DENND10: variants seen among roughly 807,000 people sequenced by gnomAD.
The protein encoded by DENND10 is DENN domain-containing protein 10.
A neutral mutation model predicts 43.6 loss-of-function variants in DENND10; 24 were observed. That is an observed-to-expected ratio of 0.55 (90% CI 0.40 to 0.77). The LOEUF (loss-of-function observed/expected upper bound fraction) is 0.77, where lower values mean the gene tolerates loss of function less well. Ranked by LOEUF, DENND10 falls within the 30% of genes least tolerant of loss-of-function variation. The probability of loss-of-function intolerance (pLI) is 0.00; values close to 1 mark genes in which losing one functional copy is unlikely to be tolerated. For missense variants in DENND10, 303 were observed against 429.9 expected, an observed-to-expected ratio of 0.70 and a Z score of 2.61; for synonymous variants, 125 against 157.6, an observed-to-expected ratio of 0.79 and a Z score of 1.55.
At position 119,121,445 on chromosome 10, in the gene DENND10, CTTT is replaced by C. The variant is rs773938225; in HGVS notation, c.593+1013_593+1015del. 8.5e-3 allele frequency among the ~76,000 whole-genome samples: 962 copies of C among 112,808 alleles called. 13 individuals carry two copies. Among genetic ancestry groups the C allele is most frequent in the African/African-American group, 0.032 (905 of 28,682 alleles). 74.0% of individuals were successfully genotyped at this position (112,808 alleles called of 152,430 possible). A position where few individuals can be genotyped will look rare whatever the true frequency, so the allele number is the denominator to read the frequency against. ...AACCACCACACCCAGCCATTAGGTC[CTTT>C]TTTTTTTTTTTTTTTTTTTGGAGGC... On this transcript the variant is annotated intron_variant, in intron 5 of 8. Coordinates refer to ENST00000361432, the MANE Select transcript of DENND10 (RefSeq NM_207009.4).
chr10:119,112,720 C>G (rs951663994), intron 3 of DENND10, among the ~76,000 whole-genome samples: 1 of 151,954 alleles, frequency 6.6e-6, no homozygotes, highest in Non-Finnish European at 1.5e-5. Flanking sequence ...GTTTCAAACT[C>G]CTGAGCTCAA....
chr10:119,128,348 G>A (rs1001309003), intron 6 of DENND10, among the ~76,000 whole-genome samples: 11 of 152,010 alleles, frequency 7.2e-5, no homozygotes, highest in African/African-American at 2.4e-4. Context: ...AGTGGCTCAC[G>A]CCTGTAATCC....
intron 2 of DENND10, among the ~76,000 whole-genome samples, chr10:119,109,297 A>G (rs971508579): frequency 1.3e-5 from 2 of 151,664 alleles, no homozygotes; most frequent in Admixed American, 6.6e-5. Context: ...GTGTTGTTTG[A>G]TATGAACAGT....
intron 6 of DENND10, among the ~76,000 whole-genome samples, chr10:119,126,698 C>G (rs1845848514): frequency 6.6e-6 from 1 of 151,994 alleles, no homozygotes; most frequent in Non-Finnish European, 1.5e-5. Flanking sequence ...CTCCTGACCT[C>G]AGATGATCCA....
In DENND10 at chr10:119,128,822, A is replaced by G. The variant is rs1342364342; in HGVS notation, c.695-693A>G. On this transcript the variant is annotated intron_variant, in intron 6 of 8. Coordinates refer to ENST00000361432, the MANE Select transcript of DENND10 (RefSeq NM_207009.4). ...GGGAAGGTGCCGTCCACTTTTAAACAACCAGATTTTGTGAGAACTCAATCA... is the reference window on the plus strand; with the variant it reads ...GGGAAGGTGCCGTCCACTTTTAAACGACCAGATTTTGTGAGAACTCAATCA... Among the ~76,000 whole-genome samples, 5 of 152,054 alleles carry G rather than the reference A, an allele frequency of 3.3e-5. No homozygotes were observed. The East Asian group carries it at 9.6e-4, about 29-fold the overall frequency.
chr10:119,104,595 G>T (rs1450201359), intron 1 of DENND10, among the ~76,000 whole-genome samples: 3 of 149,624 alleles, frequency 2.0e-5, no homozygotes, highest in Non-Finnish European at 4.5e-5. Flanking sequence ...TGGCGGCGCG[G>T]CGCGGCGCGG....
Position 119,108,065 on chromosome 10 carries a change from T to C in DENND10, c.153T>C (p.Asp51=), listed in dbSNP as rs377683050. Residue 51 remains aspartate (D), a synonymous_variant, in exon 2 of 9, where the codon GAT becomes GAC. Coordinates refer to ENST00000361432, the MANE Select transcript of DENND10 (RefSeq NM_207009.4). ...TGCTGAGAAAATGCTGCCTTACAGA[T>C]GAAAACAAACTTCTCCATCCCTTTG... ...NLLLRKCCLT[D]ENKLLHPFVF... 5.1e-5 allele frequency: 83 copies of C among 1,613,570 alleles called. No individual in the cohort carries two copies. Among genetic ancestry groups the C allele is most frequent in the Non-Finnish European group, 6.9e-5 (81 of 1,179,654 alleles).
chr10:119,124,589 A>G (rs1029239017), intron 6 of DENND10, among the ~76,000 whole-genome samples: 27 of 151,936 alleles, frequency 1.8e-4, no homozygotes, highest in African/African-American at 6.0e-4. Context: ...TTCCTGTGTT[A>G]CTCAGGCTGG....
intron 2 of DENND10, 46 bp from the exon 3 acceptor site, chr10:119,111,803 A>G (rs1331693794): frequency 7.2e-7 from 1 of 1,390,952 alleles, no homozygotes; most frequent in Non-Finnish European, 1.0e-6. Context: ...AAATTCTGCT[A>G]AAGTGTATTT....
intron 2 of DENND10, among the ~76,000 whole-genome samples, chr10:119,111,493 A>G (rs2133465436): frequency 6.6e-6 from 1 of 151,994 alleles, no homozygotes; most frequent in South Asian, 2.1e-4. Context: ...TGGAGGAGAA[A>G]AGATAAGCAG....
rs777542866 is a variant in DENND10 at position 119,123,535 on chromosome 10, CGCCGATGAGCTGGAA to C, written c.664_678del (p.Asp222_Ala226del). 1.8e-5 allele frequency: 29 copies of C among 1,613,402 alleles called. No individual in the cohort carries two copies. The highest frequency in any genetic ancestry group is 2.3e-5 in the Non-Finnish European group (27 of 1,179,820). ...TCCTTCACTCTTACGTGCACCTCAA[CGCCGATGAGCTGGAA>C]GCCCTGCAGATGTGCACAGGTAGAC... is the stretch of plus-strand genomic sequence containing the variant. On this transcript the variant is annotated inframe_deletion, in exon 6 of 9. Transcript: ENST00000361432.
intron 3 of DENND10, among the ~76,000 whole-genome samples, chr10:119,113,468 A>G (rs531046876): frequency 1.3e-5 from 2 of 150,920 alleles, no homozygotes; most frequent in South Asian, 2.1e-4. Flanking sequence ...AAGCGCTGAG[A>G]TTACAAACGT....
intron 1 of DENND10, 119 bp from the exon 2 acceptor site, chr10:119,107,849 T>G: frequency 4.2e-5 from 37 of 882,058 alleles, no homozygotes; most frequent in Non-Finnish European, 6.8e-5. Flanking sequence ...TCAGGTATTG[T>G]GAGTTGCTTT....
At chr10:119,121,400 T>C (rs774158256) in intron 5 of DENND10, among the ~76,000 whole-genome samples, 7 of 151,320 alleles carry the variant, frequency 4.6e-5, no homozygotes, top group Admixed American at 1.3e-4. Flanking sequence ...CCTGCCTCCG[T>C]TGAGATGATT....
intron 3 of DENND10, among the ~76,000 whole-genome samples, chr10:119,115,709 G>C (rs1407837896): frequency 1.3e-5 from 2 of 149,948 alleles, no homozygotes; most frequent in Non-Finnish European, 1.5e-5. Context: ...TTGGCAAGCA[G>C]TTAAAACACT....
chr10:119,134,714 T>C (rs1846232767), intron 8 of DENND10: 1 of 152,124 alleles, frequency 6.6e-6, no homozygotes, highest in Non-Finnish European at 1.5e-5. Context: ...GAATAAAGCC[T>C]GCGTGGCAGG....
intron 8 of DENND10, chr10:119,133,460 G>A (rs1278674067): frequency 6.6e-6 from 1 of 152,248 alleles, no homozygotes; most frequent in African/African-American, 2.4e-5. Flanking sequence ...TGTTTCTTGA[G>A]CTCTGTTTGT....
chr10:119,114,747 A>G (rs11198781), intron 3 of DENND10: 84,281 of 151,418 alleles, frequency 0.56, 23,941 homozygotes, highest in South Asian at 0.68. Context: ...TCTCTTCTCT[A>G]TTACTGTGTA....
At position 119,107,650 on chromosome 10, in the gene DENND10, C is replaced by T. The variant is rs576955135; in HGVS notation, c.56-318C>T. The stretch of plus-strand genomic sequence containing the variant: ...AAGTCCCGACCTCAGGTAATCCACT[C>T]GCCTTGGCCTCCCAAAGTGATGGGA... On this transcript the variant is annotated intron_variant, in intron 1 of 8. Coordinates refer to ENST00000361432, the MANE Select transcript of DENND10 (RefSeq NM_207009.4). Among the ~76,000 whole-genome samples, 8 of 152,222 alleles carry T rather than the reference C, an allele frequency of 5.3e-5. No homozygotes were observed. In the East Asian group the frequency reaches 9.7e-4, roughly 18 times the overall value.
Sources: gnomAD v4.1 joint callset for allele counts (sites outside exome capture counted in the v4.1 genomes callset) on GRCh38, gnomAD v4.1.1 for gene constraint, MANE v1.5 for transcripts, NCBI Gene and HGNC (gene_info 2026-07-23, HGNC 2026-07-21) for gene names.